Variants in LRRTM4 observed in about 807,000 individuals in gnomAD.
LRRTM4 encodes leucine-rich repeat transmembrane neuronal protein 4.
LRRTM4 carries 25 observed loss-of-function variants against 47.6 expected under a neutral mutation model. The observed-to-expected ratio is 0.53, with a 90% CI of 0.38 to 0.73. The LOEUF is 0.73. Among genes scored for constraint, LRRTM4 ranks in the 30% least tolerant of loss-of-function variants. The pLI is 0.00. For synonymous variants in LRRTM4, 311 were observed against 269.5 expected, an observed-to-expected ratio of 1.15 and a Z score of -1.51; for missense variants, 638 against 713.4, an observed-to-expected ratio of 0.89 and a Z score of 1.20.
At chr2:77,410,011 T>G (rs1364524854) in intron 3 of LRRTM4, among the ~76,000 whole-genome samples, 1 of 152,172 alleles carries the variant, frequency 6.6e-6, no homozygotes, top group East Asian at 1.9e-4. Flanking sequence ...ATAGAAGTCA[T>G]GATTTCACTG....
At chr2:77,042,615 T>C (rs1679074212) in intron 3 of LRRTM4, among the ~76,000 whole-genome samples, 1 of 151,754 alleles carries the variant, frequency 6.6e-6, no homozygotes, top group Admixed American at 6.6e-5. Flanking sequence ...AAGTTTGTTT[T>C]TATTGTATAG....
chr2:76,987,185 C>A (rs1486773291), intron 3 of LRRTM4, among the ~76,000 whole-genome samples: 1 of 151,416 alleles, frequency 6.6e-6, no homozygotes, highest in East Asian at 1.9e-4. Context: ...TTTATATTTT[C>A]TTTTTAAGAA....
At chr2:76,842,921 C>T (rs1287964409) in intron 3 of LRRTM4, among the ~76,000 whole-genome samples, 1 of 152,092 alleles carries the variant, frequency 6.6e-6, no homozygotes, top group Admixed American at 6.6e-5. Flanking sequence ...AGAATATCTA[C>T]TTTTTGTAAA....
In LRRTM4 at chr2:77,275,082, G is replaced by A. The variant is rs184866911; in HGVS notation, c.1551+243236C>T. Among the ~76,000 whole-genome samples the A allele has an allele frequency of 2.0e-4, 30 of 152,100 alleles. No individual in the cohort carries two copies. In the East Asian group the frequency reaches 4.8e-3, roughly 25 times the overall value. ...TAAAAAAAAGAGGGAAGAGACATAA[G>A]AGAAAAAATGGTAAGTGGTTTCCAT... is the stretch of plus-strand genomic sequence containing the variant. On this transcript the variant is annotated intron_variant, in intron 3 of 3. Transcript: ENST00000409884.
At chr2:77,172,600 T>TAA (rs111390590) in intron 3 of LRRTM4, among the ~76,000 whole-genome samples, 2 of 150,014 alleles carry the variant, frequency 1.3e-5, no homozygotes, top group African/African-American at 4.9e-5. Context: ...CTCAAAAACA[T>TAA]AAAAAAAAAA....
chr2:77,227,889 A>G (rs1674857415), intron 3 of LRRTM4, among the ~76,000 whole-genome samples: 1 of 152,070 alleles, frequency 6.6e-6, no homozygotes, highest in African/African-American at 2.4e-5. Flanking sequence ...ATATGTCTAC[A>G]TTATTATTTT....
At chr2:77,131,851 G>A (rs77147314) in intron 3 of LRRTM4, among the ~76,000 whole-genome samples, 9,633 of 152,062 alleles carry the variant, frequency 0.063, 472 homozygotes, top group East Asian at 0.19. Context: ...AACACAATTT[G>A]GGAATTTTTT....
intron 3 of LRRTM4, among the ~76,000 whole-genome samples, chr2:77,285,771 C>T (rs1676639180): frequency 6.6e-6 from 1 of 151,662 alleles, no homozygotes; most frequent in African/African-American, 2.4e-5. Context: ...TCCTGATAGT[C>T]TAAAATAAAA....
chr2:77,066,764 C>T (rs1240139170), intron 3 of LRRTM4, among the ~76,000 whole-genome samples: 1 of 152,146 alleles, frequency 6.6e-6, no homozygotes, highest in East Asian at 1.9e-4. Flanking sequence ...ATAGGAGCTA[C>T]TAAAGATTGA....
intron 3 of LRRTM4, among the ~76,000 whole-genome samples, chr2:76,998,641 C>T (rs1474112834): frequency 6.6e-6 from 1 of 151,724 alleles, no homozygotes; most frequent in Non-Finnish European, 1.5e-5. Flanking sequence ...ACATCCACTG[C>T]TATAAAATTT....
chr2:77,025,670 GTGATGACAAAAACAAAAA>G (rs1463620068), intron 3 of LRRTM4, among the ~76,000 whole-genome samples: 1 of 152,148 alleles, frequency 6.6e-6, no homozygotes, highest in East Asian at 1.9e-4. Flanking sequence ...GGTAGAAGCA[GTGATGACAAAAACAAAAA>G]TGTAGAATAT....
intron 3 of LRRTM4, among the ~76,000 whole-genome samples, chr2:76,991,098 C>G (rs186004585): frequency 1.3e-5 from 2 of 151,562 alleles, no homozygotes; most frequent in African/African-American, 4.8e-5. Flanking sequence ...TTGAAATAAA[C>G]GAAAACAGAG....
intron 3 of LRRTM4, among the ~76,000 whole-genome samples, chr2:76,984,162 AATC>A (rs148531605): frequency 0.017 from 2,571 of 152,092 alleles, 61 homozygotes; most frequent in East Asian, 0.083. Flanking sequence ...AACAGAAGAA[AATC>A]ATCTGACTGA....
chr2:77,390,621 T>A (rs1673465500), intron 3 of LRRTM4, among the ~76,000 whole-genome samples: 1 of 151,770 alleles, frequency 6.6e-6, no homozygotes, highest in African/African-American at 2.4e-5. Context: ...AAATTATAAA[T>A]AGCTTTATTA....
intron 3 of LRRTM4, among the ~76,000 whole-genome samples, chr2:76,935,071 T>A (rs1674897364): frequency 6.6e-6 from 1 of 151,980 alleles, no homozygotes; most frequent in South Asian, 2.1e-4. Context: ...AGAATAGTAA[T>A]AATACAATCA....
chr2:77,115,566 C>A (rs58017387), intron 3 of LRRTM4, among the ~76,000 whole-genome samples: 1 of 152,032 alleles, frequency 6.6e-6, no homozygotes, highest in Non-Finnish European at 1.5e-5. Context: ...TGCCTCCAGC[C>A]GGTCCCTCCG....
At chr2:77,421,950 G>T (rs1674913986) in intron 3 of LRRTM4, among the ~76,000 whole-genome samples, 1 of 152,140 alleles carries the variant, frequency 6.6e-6, no homozygotes, top group Admixed American at 6.5e-5. Flanking sequence ...CTATGTTTAG[G>T]TATGTTTAGA....
At chr2:77,504,282 A>G (rs1678683985) in intron 3 of LRRTM4, among the ~76,000 whole-genome samples, 1 of 151,678 alleles carries the variant, frequency 6.6e-6, no homozygotes, top group South Asian at 2.1e-4. Context: ...TTTTTGTACT[A>G]TAGTGACAAA....
chr2:77,476,452 T>C lies in LRRTM4; in HGVS notation c.1551+41866A>G, dbSNP rs530680625. ...CAACAAAAGCCATACATTGATTTTT[T>C]TGTAAAATATTAGAAATATAAGAAG... is the stretch of plus-strand genomic sequence containing the variant. On this transcript the variant is annotated intron_variant, in intron 3 of 3. Coordinates refer to ENST00000409884, the MANE Select transcript of LRRTM4 (RefSeq NM_001134745.3). 3.9e-5 allele frequency among the ~76,000 whole-genome samples: 6 copies of C among 152,238 alleles called. No individual in the cohort carries two copies. In the South Asian group the frequency reaches 6.2e-4, roughly 16 times the overall value.
Sources: gnomAD v4.1 joint callset for allele counts (sites outside exome capture counted in the v4.1 genomes callset) on GRCh38, gnomAD v4.1.1 for gene constraint, MANE v1.5 for transcripts, NCBI Gene and HGNC (gene_info 2026-07-23, HGNC 2026-07-21) for gene names.